Variants in ATP2B4 observed in about 807,000 individuals in gnomAD.
The protein encoded by ATP2B4 is ATPase plasma membrane Ca2+ transporting 4, also known as plasma membrane calcium-transporting ATPase 4.
Under a neutral mutation model 110.3 loss-of-function variants are expected in ATP2B4, and 39 were observed. The observed-to-expected ratio is 0.35, with a 90% CI of 0.27 to 0.46. The LOEUF (loss-of-function observed/expected upper bound fraction) is 0.46, where lower values mean the gene tolerates loss of function less well. Among genes scored for constraint, ATP2B4 ranks in the 20% least tolerant of loss-of-function variants. The pLI is 1.00. For missense variants in ATP2B4, 1,135 were observed against 1,530.9 expected (o/e 0.74, Z 4.32); for synonymous variants, 538 against 571.7 (o/e 0.94, Z 0.84).
Position 203,698,330 on chromosome 1 carries a change from C to T in ATP2B4, c.367C>T (p.Arg123Cys), listed in dbSNP as rs779601653. 110 of 1,614,094 alleles carry T rather than the reference C, an allele frequency of 6.8e-5. No homozygotes were observed. The South Asian group carries it at 7.5e-4, about 11-fold the overall frequency. Residue 123 changes from arginine (R) to cysteine (C), a missense_variant, in exon 3 of 21, where the codon CGC becomes TGC. Physicochemically the swap from Arg to Cys is radical, Grantham distance 180 (BLOSUM62 -3). This residue lies in a region of ATP2B4 where 101 missense variants were observed against 182.6 expected (regional missense o/e 0.55). Coordinates refer to ENST00000357681, the MANE Select transcript of ATP2B4 (RefSeq NM_001684.5). ...AIISLVLSFY[R>C]PAGEENELCG... ...CATCTCCCTGGTCCTGTCCTTTTAT[C>T]GCCCTGCTGGTGAAGAAAATGAACG...
chr1:203,709,997 G>A (rs1421507154), intron 11 of ATP2B4, among the ~76,000 whole-genome samples: 3 of 152,154 alleles, frequency 2.0e-5, no homozygotes, highest in Non-Finnish European at 2.9e-5. Flanking sequence ...TACTAGAAAC[G>A]TTTGTTCTGT....
At chr1:203,713,454 AT>A (rs1423270500) in intron 14 of ATP2B4, among the ~76,000 whole-genome samples, 1 of 151,470 alleles carries the variant, frequency 6.6e-6, no homozygotes, top group African/African-American at 2.4e-5. Context: ...TTGGGTTTTT[AT>A]TTTTTTTATT....
intron 15 of ATP2B4, among the ~76,000 whole-genome samples, chr1:203,714,616 G>A: frequency 6.6e-6 from 1 of 152,146 alleles, no homozygotes; most frequent in South Asian, 2.1e-4. Context: ...TGGCACCATT[G>A]GGTATTCCGC....
intron 1 of ATP2B4, among the ~76,000 whole-genome samples, chr1:203,640,249 TTC>T (rs1395402347): frequency 1.3e-5 from 2 of 152,192 alleles, no homozygotes; most frequent in African/African-American, 4.8e-5. Flanking sequence ...CATCCTCCTG[TTC>T]TCTGTGTGTT....
At chr1:203,712,792 G>T (rs755659071) in intron 13 of ATP2B4, among the ~76,000 whole-genome samples, 2 of 152,038 alleles carry the variant, frequency 1.3e-5, no homozygotes, top group African/African-American at 4.8e-5. Context: ...GTGGTCTGGC[G>T]GTGGCACAGA....
At chr1:203,658,566 G>A (rs550787846) in intron 1 of ATP2B4, among the ~76,000 whole-genome samples, 3 of 151,742 alleles carry the variant, frequency 2.0e-5, no homozygotes, top group South Asian at 4.2e-4. Context: ...AAACGAAGAC[G>A]GGATGATGAG....
In ATP2B4 at chr1:203,713,242, C is replaced by T; in HGVS notation, c.2289C>T (p.Thr763=). 6.2e-7 allele frequency: 1 copy of T among 1,614,082 alleles called. No homozygotes were observed. The highest frequency in any genetic ancestry group is 1.7e-5 in the Admixed American group (1 of 60,012). Residue 763 remains threonine (T), a synonymous_variant, in exon 14 of 21, where the codon ACC becomes ACT. Transcript: ENST00000357681. Reference sequence around the variant, plus strand: ...GATCTTCTCCCACTGACAAGCACACCCTGGTGAAAGGTGAGGTTGGCTTCC... The same window carrying T: ...GATCTTCTCCCACTGACAAGCACACTCTGGTGAAAGGTGAGGTTGGCTTCC... ...LARSSPTDKH[T]LVKGIIDSTV...
intron 2 of ATP2B4, among the ~76,000 whole-genome samples, chr1:203,696,197 G>A (rs1665528855): frequency 6.6e-6 from 1 of 152,156 alleles, no homozygotes; most frequent in Non-Finnish European, 1.5e-5. Context: ...AAAGTGCTGG[G>A]ATTACAGGCA....
chr1:203,703,563 A>G (rs898308125), intron 7 of ATP2B4, 89 bp from the exon 8 acceptor site: 5 of 1,448,876 alleles, frequency 3.5e-6, no homozygotes, highest in Non-Finnish European at 4.7e-6. Context: ...TCCGGGAAAG[A>G]GACAGGAAGG....
chr1:203,723,444 CTCTCTCTCT>C (rs1666401854), intron 18 of ATP2B4, among the ~76,000 whole-genome samples: 1 of 134,772 alleles, frequency 7.4e-6, no homozygotes, highest in African/African-American at 2.9e-5. Flanking sequence ...CTCTCTCTCT[CTCTCTCTCT>C]CTCTCTCCCT....
intron 1 of ATP2B4, among the ~76,000 whole-genome samples, chr1:203,639,815 T>A (rs1013073242): frequency 1.3e-5 from 2 of 152,178 alleles, no homozygotes; most frequent in Non-Finnish European, 2.9e-5. Context: ...AGATGTTCTG[T>A]TGCTGGGATG....
rs369620950 is a variant in ATP2B4 at position 203,721,192 on chromosome 1, G to T, written c.2599-5G>T. On this transcript the variant is annotated splice_polypyrimidine_tract_variant and splice_region_variant and intron_variant, in intron 16 of 20. Transcript: ENST00000357681. The stretch of plus-strand genomic sequence containing the variant: ...GCTAAAAGGACTGGTTCTTCTCCCC[G>T]CCAGGATTCCCCATTGAAAGCTGTG... The T allele has an allele frequency of 4.3e-6, 7 of 1,613,806 alleles. No individual in the cohort carries two copies. Among genetic ancestry groups the T allele is most frequent in the Non-Finnish European group, 5.1e-6 (6 of 1,179,748 alleles).
At chr1:203,727,257 C>T in intron 19 of ATP2B4, 138 bp from the exon 20 acceptor site, 2 of 969,106 alleles carry the variant, frequency 2.1e-6, no homozygotes, top group South Asian at 1.7e-5. Flanking sequence ...TGGATTGGTG[C>T]TTCTGCCCAC....
rs771059469 is a variant in ATP2B4, at chr1:203,683,258, G to T, written c.53G>T (p.Arg18Leu). The T allele has an allele frequency of 1.9e-6, 3 of 1,614,080 alleles. No individual in the cohort carries two copies. Among genetic ancestry groups the T allele is most frequent in the African/African-American group, 1.3e-5 (1 of 74,920 alleles). Residue 18 changes from arginine to leucine, a missense_variant, in exon 2 of 21, where the codon CGT becomes CTT. Arg to Leu is a moderately radical substitution (Grantham distance 102, BLOSUM62 -2). Transcript: ENST00000357681. ...CCTGCCAACTCGATGGCCGAGAGCC[G>T]TGAAGGGGACTTTGGCTGCACAGTA... is the stretch of plus-strand genomic sequence containing the variant. ...VLPANSMAES[R>L]EGDFGCTVME...
intron 1 of ATP2B4, among the ~76,000 whole-genome samples, chr1:203,637,374 T>C (rs1558009660): frequency 7.1e-6 from 1 of 141,122 alleles, no homozygotes; most frequent in African/African-American, 2.7e-5. Context: ...GGGCGGAGCC[T>C]GCAGTGAGCC....
intron 2 of ATP2B4, among the ~76,000 whole-genome samples, chr1:203,685,602 T>C (rs1008807616): frequency 7.2e-5 from 11 of 152,234 alleles, no homozygotes; most frequent in Non-Finnish European, 5.9e-5. Flanking sequence ...TTATGTCTTA[T>C]TTTCTTTACA....
At chr1:203,735,164 A>C (rs184982723) in intron 20 of ATP2B4, among the ~76,000 whole-genome samples, 26 of 152,118 alleles carry the variant, frequency 1.7e-4, no homozygotes, top group African/African-American at 5.5e-4. Flanking sequence ...CCTTTTCTCT[A>C]GTTTGATTGT....
At chr1:203,637,828 A>G (rs1462817807) in intron 1 of ATP2B4, among the ~76,000 whole-genome samples, 1 of 152,148 alleles carries the variant, frequency 6.6e-6, no homozygotes, top group Non-Finnish European at 1.5e-5. Flanking sequence ...CCTGCTTCCT[A>G]TCTTGGGAGC....
intron 9 of ATP2B4, 68 bp from the exon 10 acceptor site, chr1:203,707,794 G>T (rs954615340): frequency 6.3e-7 from 1 of 1,581,240 alleles, no homozygotes; most frequent in Admixed American, 1.7e-5. Context: ...CTAGGAAATG[G>T]CCTTTGACCT....
Sources: allele counts gnomAD v4.1 joint callset (sites outside exome capture counted in the v4.1 genomes callset), GRCh38; gene constraint gnomAD v4.1.1; regional missense constraint gnomAD v4.1.1; transcripts MANE v1.5; gene names NCBI Gene and HGNC (gene_info 2026-07-23, HGNC 2026-07-21).